ZFPM2: variants seen among roughly 807,000 people sequenced by gnomAD.
ZFPM2 encodes zinc finger protein ZFPM2.
A neutral mutation model predicts 98.6 loss-of-function variants in ZFPM2; 20 were observed. That is an observed-to-expected ratio of 0.20 (90% confidence interval 0.14 to 0.29). ZFPM2 has a LOEUF of 0.29. Ranked by LOEUF, ZFPM2 falls within the 10% of genes least tolerant of loss-of-function variation. The probability of loss-of-function intolerance (pLI) is 1.00; values close to 1 mark genes in which losing one functional copy is unlikely to be tolerated. For missense variants in ZFPM2, 1,310 were observed against 1,388.6 expected (o/e 0.94, Z 0.90); for synonymous variants, 518 against 502.7 (o/e 1.03, Z -0.41).
chr8:105,596,962 G>T (rs1290989649), intron 4 of ZFPM2, among the ~76,000 whole-genome samples: 1 of 147,866 alleles, frequency 6.8e-6, no homozygotes. Flanking sequence ...GTTGTTTTTT[G>T]TAAAGTAGAA....
chr8:105,555,866 A>G (rs189035969), intron 3 of ZFPM2, among the ~76,000 whole-genome samples: 1 of 152,276 alleles, frequency 6.6e-6, no homozygotes, highest in East Asian at 1.9e-4. Context: ...GATAGCGGGA[A>G]CCATTCTCAG....
intron 4 of ZFPM2, among the ~76,000 whole-genome samples, chr8:105,598,897 C>T (rs547540048): frequency 1.3e-5 from 2 of 152,264 alleles, no homozygotes; most frequent in South Asian, 4.1e-4. Context: ...CTCAATTTCA[C>T]GAACTCTGTT....
rs1811561505 is a variant in ZFPM2 at position 105,410,800 on chromosome 8, A to T, written c.41-8344A>T. Reference sequence around the variant, plus strand: ...TTTATGCCACATAATATATATAAGGAGTTCTGTGTTTAGGTTCAGATCCTT... The same window carrying T: ...TTTATGCCACATAATATATATAAGGTGTTCTGTGTTTAGGTTCAGATCCTT... On this transcript the variant is annotated intron_variant, in intron 1 of 7. Transcript: ENST00000407775. Among the ~76,000 whole-genome samples, 4 of 151,938 alleles carry T rather than the reference A, an allele frequency of 2.6e-5. No homozygotes were observed. In the South Asian group the frequency reaches 8.3e-4, roughly 31 times the overall value.
At chr8:105,622,497 A>G (rs1213160040) in intron 4 of ZFPM2, among the ~76,000 whole-genome samples, 3 of 152,186 alleles carry the variant, frequency 2.0e-5, no homozygotes, top group Non-Finnish European at 4.4e-5. Flanking sequence ...AGAGCATCCC[A>G]TAGAAAACTA....
intron 3 of ZFPM2, among the ~76,000 whole-genome samples, chr8:105,527,197 A>G (rs1299329355): frequency 6.6e-6 from 1 of 152,152 alleles, no homozygotes; most frequent in African/African-American, 2.4e-5. Context: ...ATGATGCAGC[A>G]TGAGCAGCCA....
At chr8:105,482,695 A>C (rs2130390688) in intron 3 of ZFPM2, among the ~76,000 whole-genome samples, 1 of 152,324 alleles carries the variant, frequency 6.6e-6, no homozygotes, top group Middle Eastern at 3.4e-3. Flanking sequence ...TGCAGACTTT[A>C]GAATCATTTA....
At chr8:105,506,607 G>A (rs1037985736) in intron 3 of ZFPM2, among the ~76,000 whole-genome samples, 7 of 152,010 alleles carry the variant, frequency 4.6e-5, no homozygotes, top group African/African-American at 1.7e-4. Flanking sequence ...TGCATTCATG[G>A]TGTTTTTTTA....
chr8:105,576,384 A>C (rs1374090214), intron 4 of ZFPM2, among the ~76,000 whole-genome samples: 1 of 152,122 alleles, frequency 6.6e-6, no homozygotes, highest in Non-Finnish European at 1.5e-5. Context: ...ATAGGGAAAT[A>C]CCTCACATAC....
chr8:105,564,679 A>C (rs1195146342), intron 4 of ZFPM2, among the ~76,000 whole-genome samples: 3 of 152,108 alleles, frequency 2.0e-5, no homozygotes, highest in Non-Finnish European at 4.4e-5. Context: ...GCCACACTGC[A>C]TTCTCAGTAT....
At chr8:105,749,812 G>C (rs560533293) in intron 5 of ZFPM2, among the ~76,000 whole-genome samples, 2 of 152,048 alleles carry the variant, frequency 1.3e-5, no homozygotes, top group Non-Finnish European at 2.9e-5. Context: ...GTGGAGGAAG[G>C]GGGGCAGAAA....
intron 6 of ZFPM2, among the ~76,000 whole-genome samples, chr8:105,792,389 G>A (rs1813642434): frequency 6.6e-6 from 1 of 152,160 alleles, no homozygotes; most frequent in Admixed American, 6.5e-5. Flanking sequence ...TTTCCATGTA[G>A]TTGAGCGGTT....
chr8:105,393,539 G>A (rs1284420358), intron 1 of ZFPM2, among the ~76,000 whole-genome samples: 1 of 152,034 alleles, frequency 6.6e-6, no homozygotes, highest in Non-Finnish European at 1.5e-5. Context: ...TCAGAGCTTG[G>A]CCTTTTTCTT....
intron 3 of ZFPM2, among the ~76,000 whole-genome samples, chr8:105,502,083 T>C (rs1416292397): frequency 8.5e-5 from 13 of 152,112 alleles, no homozygotes; most frequent in Admixed American, 8.5e-4. Flanking sequence ...AAAGTAGATA[T>C]GACAATAAAA....
At chr8:105,543,159 C>G (rs1260044442) in intron 3 of ZFPM2, among the ~76,000 whole-genome samples, 4 of 152,170 alleles carry the variant, frequency 2.6e-5, no homozygotes, top group Non-Finnish European at 5.9e-5. Context: ...TTAAAGTCGT[C>G]TGAAGAATTT....
intron 4 of ZFPM2, among the ~76,000 whole-genome samples, chr8:105,582,388 G>A (rs1815620350): frequency 1.3e-5 from 2 of 152,188 alleles, no homozygotes; most frequent in Admixed American, 1.3e-4. Flanking sequence ...ATTTGGCAAA[G>A]TGAGTGTGAG....
chr8:105,493,835 T>G (rs925085978), intron 3 of ZFPM2, among the ~76,000 whole-genome samples: 4 of 152,048 alleles, frequency 2.6e-5, no homozygotes, highest in Non-Finnish European at 5.9e-5. Flanking sequence ...CTCCTATTTT[T>G]TCCTCTATAT....
At chr8:105,394,139 C>T (rs1164341255) in intron 1 of ZFPM2, among the ~76,000 whole-genome samples, 5 of 151,988 alleles carry the variant, frequency 3.3e-5, no homozygotes, top group African/African-American at 1.2e-4. Context: ...GTGATTCGCC[C>T]GCCTCGGCCT....
chr8:105,454,337 G>A (rs1812545683), intron 3 of ZFPM2, among the ~76,000 whole-genome samples: 1 of 152,144 alleles, frequency 6.6e-6, no homozygotes, highest in African/African-American at 2.4e-5. Flanking sequence ...CTAGATCCTT[G>A]AATAAATTCA....
At chr8:105,742,127 A>T (rs1812229797) in intron 5 of ZFPM2, among the ~76,000 whole-genome samples, 1 of 151,912 alleles carries the variant, frequency 6.6e-6, no homozygotes, top group Non-Finnish European at 1.5e-5. Context: ...AGGCCAAGGC[A>T]AGATGGATTG....
Sources: gnomAD v4.1 joint callset for allele counts (sites outside exome capture counted in the v4.1 genomes callset) on GRCh38, gnomAD v4.1.1 for gene constraint, MANE v1.5 for transcripts, NCBI Gene and HGNC (gene_info 2026-07-23, HGNC 2026-07-21) for gene names.